PCDHGA12: variants seen among roughly 807,000 people sequenced by gnomAD.
The protein encoded by PCDHGA12 is protocadherin gamma-A12.
In PCDHGA12, 43 loss-of-function variants were observed where a neutral mutation model predicts 61.1. The ratio of observed to expected loss-of-function variants is 0.70; its 90% CI spans 0.55 to 0.91. PCDHGA12 has a LOEUF of 0.91. Among genes scored for constraint, PCDHGA12 ranks in the 40% least tolerant of loss-of-function variants. The pLI is 0.00. For synonymous variants in PCDHGA12, 520 were observed against 542.9 expected (o/e 0.96, Z 0.59); for missense variants, 1,236 against 1,227.7 (o/e 1.01, Z -0.10).
rs2099615088 is a variant in PCDHGA12, at chr5:141,485,526, G to A, written c.2425-9281G>A. On this transcript the variant is annotated intron_variant, in intron 1 of 3. Coordinates refer to ENST00000252085, the MANE Select transcript of PCDHGA12 (RefSeq NM_003735.3). The surrounding 1 kb of genome is among the most constrained non-coding windows in gnomAD (Gnocchi z 5.7). Reference sequence around the variant, plus strand: ...ACCGAAGGTCCTTTGGAAATGTACCGAGCAGAGGTAGAGATCGTAGATGTG... The same window carrying A: ...ACCGAAGGTCCTTTGGAAATGTACCAAGCAGAGGTAGAGATCGTAGATGTG... 6.2e-7 allele frequency: 1 copy of A among 1,614,154 alleles called. No individual in the cohort carries two copies. The highest frequency in any genetic ancestry group is 2.2e-5 in the East Asian group (1 of 44,880).
At chr5:141,433,398 T>TCTAC (rs1487149690) in intron 1 of PCDHGA12, among the ~76,000 whole-genome samples, 2 of 151,396 alleles carry the variant, frequency 1.3e-5, no homozygotes, top group Non-Finnish European at 2.9e-5. Context: ...TATCTATCTA[T>TCTAC]CTATCTATTA....
chr5:141,440,818 C>T (rs906112291), intron 1 of PCDHGA12: 2 of 152,124 alleles, frequency 1.3e-5, no homozygotes, highest in Non-Finnish European at 2.9e-5. Flanking sequence ...TCACTCAACT[C>T]CTGATCCTAT....
chr5:141,432,481 C>G lies in PCDHGA12; in HGVS notation c.1722C>G (p.Gly574=). 6.2e-7 allele frequency: 1 copy of G among 1,614,198 alleles called. No homozygotes were observed. Residue 574 remains glycine (G), a synonymous_variant, in exon 1 of 4, where the codon GGC becomes GGG. Coordinates refer to ENST00000252085, the MANE Select transcript of PCDHGA12 (RefSeq NM_003735.3). This position sits in a 1 kb window ranked among gnomAD's most constrained non-coding sequence, Gnocchi z 6.0. ...CCCTCCCCACGGACGGTTCCACTGG[C>G]GTGGAGCTGGCTCCCCGCTCCGCAG... ...YPALPTDGST[G]VELAPRSAEP...
At position 141,491,884 on chromosome 5, in the gene PCDHGA12, G is replaced by A. The variant is rs745931108; in HGVS notation, c.2425-2923G>A. The A allele has an allele frequency of 2.8e-6, 4 of 1,446,372 alleles. No homozygotes were observed. The highest frequency in any genetic ancestry group is 2.9e-5 in the Admixed American group (1 of 34,718). 89.6% of individuals were successfully genotyped at this position (1,446,372 alleles called of 1,614,324 possible). ...AACCAGAGTGGCCGATTAAGGGATG[G>A]GGCTCCGAGCACCGGGGGTGGTGGC... On this transcript the variant is annotated intron_variant, in intron 1 of 3. Coordinates refer to ENST00000252085, the MANE Select transcript of PCDHGA12 (RefSeq NM_003735.3). This position sits in a 1 kb window ranked among gnomAD's most constrained non-coding sequence, Gnocchi z 6.9.
chr5:141,441,672 GCCTTCGA>G (rs1327551430), intron 1 of PCDHGA12: 1 of 290,468 alleles, frequency 3.4e-6, no homozygotes, highest in Non-Finnish European at 6.8e-6. Flanking sequence ...CGCACAGTGC[GCCTTCGA>G]CCAAGAGCAG....
In PCDHGA12 at chr5:141,431,317, C is replaced by G; in HGVS notation, c.558C>G (p.Ala186=). 2 of 1,614,082 alleles carry G rather than the reference C, an allele frequency of 1.2e-6. No homozygotes were observed. The highest frequency in any genetic ancestry group is 1.7e-6 in the Non-Finnish European group (2 of 1,180,038). Residue 186 remains alanine (A), a synonymous_variant, in exon 1 of 4, where the codon GCC becomes GCG. Transcript: ENST00000252085. The surrounding 1 kb of genome is among the most constrained non-coding windows in gnomAD (Gnocchi z 4.8). ...THFSLIVQNG[A]DGSKYPELVL... is the part of the protein sequence containing the mutation. ...TCTCCCTCATCGTGCAAAATGGAGC[C>G]GACGGTAGTAAGTACCCCGAATTGG...
In PCDHGA12 at chr5:141,494,027, G is replaced by A. The variant is rs77020157; in HGVS notation, c.2425-780G>A. 1.5e-4 allele frequency among the ~76,000 whole-genome samples: 23 copies of A among 152,298 alleles called. No homozygotes were observed. In the East Asian group the frequency reaches 3.3e-3, roughly 22 times the overall value. ...ACACATCAGCCCCTTGGGAGCCCTGGAGACTTAGTTGGCCCTGCTTGGAGG... is the reference window on the plus strand; with the variant it reads ...ACACATCAGCCCCTTGGGAGCCCTGAAGACTTAGTTGGCCCTGCTTGGAGG... On this transcript the variant is annotated intron_variant, in intron 1 of 3. Coordinates refer to ENST00000252085, the MANE Select transcript of PCDHGA12 (RefSeq NM_003735.3).
rs1412764202 is a variant in PCDHGA12, at chr5:141,486,708, C to T, written c.2425-8099C>T. The T allele has an allele frequency of 1.2e-6, 2 of 1,614,062 alleles. No individual in the cohort carries two copies. Among genetic ancestry groups the T allele is most frequent in the Non-Finnish European group, 1.7e-6 (2 of 1,180,054 alleles). ...GCTTCCTCTTTCATCTCTCTGAACC[C>T]CCAGACAGGAGCTGTTCATGCTACT... On this transcript the variant is annotated intron_variant, in intron 1 of 3. Coordinates refer to ENST00000252085, the MANE Select transcript of PCDHGA12 (RefSeq NM_003735.3). This position sits in a 1 kb window ranked among gnomAD's most constrained non-coding sequence, Gnocchi z 5.0.
chr5:141,431,146 T>G lies in PCDHGA12; in HGVS notation c.387T>G (p.Asn129Lys). The change falls in exon 1 of 4, where the codon AAT (asparagine) becomes AAG (lysine). Residue 129 changes from asparagine to lysine, a missense_variant. By Grantham distance (94) the Asn-to-Lys change is moderately conservative. Coordinates refer to ENST00000252085, the MANE Select transcript of PCDHGA12 (RefSeq NM_003735.3). The surrounding 1 kb of genome is among the most constrained non-coding windows in gnomAD (Gnocchi z 4.8). ...VEVEVRDIND[N>K]APYFRESELE... The stretch of plus-strand genomic sequence containing the variant: ...TAGAAGTAAGGGACATTAACGACAA[T>G]GCGCCTTACTTTCGTGAAAGTGAAT... 6.2e-7 allele frequency: 1 copy of G among 1,614,124 alleles called. No individual in the cohort carries two copies. Among genetic ancestry groups the G allele is most frequent in the African/African-American group, 1.3e-5 (1 of 75,022 alleles).
intron 1 of PCDHGA12, among the ~76,000 whole-genome samples, chr5:141,463,438 CTTTTT>C (rs71576115): frequency 7.7e-5 from 8 of 103,256 alleles, no homozygotes; most frequent in African/African-American, 2.7e-4. Flanking sequence ...TTTCCTTCTC[CTTTTT>C]TTTTTTTTTT....
rs1177043977 is a variant in PCDHGA12, at chr5:141,491,919, C to G, written c.2425-2888C>G. On this transcript the variant is annotated intron_variant, in intron 1 of 3. Coordinates refer to ENST00000252085, the MANE Select transcript of PCDHGA12 (RefSeq NM_003735.3). The surrounding 1 kb of genome is among the most constrained non-coding windows in gnomAD (Gnocchi z 6.9). ...CACCGGGGGTGGTGGCGACTGTGGG[C>G]GAGGGGAGGTGGGACCGACCCCCAC... 5 of 1,361,900 alleles carry G rather than the reference C, an allele frequency of 3.7e-6. No homozygotes were observed. The South Asian group carries it at 7.8e-5, about 21-fold the overall frequency. The allele number at this position is 1,361,900 out of a possible 1,614,324, so 84.4% of individuals were successfully genotyped here. A position where few individuals can be genotyped will look rare whatever the true frequency, so the allele number is the denominator to read the frequency against.
chr5:141,434,802 G>A (rs1009500775), intron 1 of PCDHGA12, among the ~76,000 whole-genome samples: 10 of 151,488 alleles, frequency 6.6e-5, no homozygotes, highest in African/African-American at 2.4e-4. Flanking sequence ...TTCTGAGCTT[G>A]GAGAAATATA....
chr5:141,487,749 A>G lies in PCDHGA12; in HGVS notation c.2425-7058A>G, dbSNP rs574710316. 3.9e-5 allele frequency: 60 copies of G among 1,557,180 alleles called. No homozygotes were observed. The African/African-American group carries it at 5.6e-4, about 14-fold the overall frequency. ...GTCACCATTTTTGTAAGAGGTAACT[A>G]TGTGGTAGACGCTGTGCTTTGTAAC... is the stretch of plus-strand genomic sequence containing the variant. On this transcript the variant is annotated intron_variant, in intron 1 of 3. Coordinates refer to ENST00000252085, the MANE Select transcript of PCDHGA12 (RefSeq NM_003735.3). The surrounding 1 kb of genome is among the most constrained non-coding windows in gnomAD (Gnocchi z 5.0).
chr5:141,501,902 C>G (rs2154593013), intron 2 of PCDHGA12, among the ~76,000 whole-genome samples: 1 of 152,202 alleles, frequency 6.6e-6, no homozygotes, highest in East Asian at 1.9e-4. Flanking sequence ...GGTTCCAACC[C>G]CACTGTTCCA....
At position 141,505,200 on chromosome 5, in the gene PCDHGA12, G is replaced by T. The variant is rs528060752; in HGVS notation, c.2484-193G>T. On this transcript the variant is annotated intron_variant, in intron 2 of 3. Transcript: ENST00000252085. ...AAAGCATCGGAGGCAGCAAAGAGCTGGTTTGAGGGACTGACTTGTGGGATT... is the reference window on the plus strand; with the variant it reads ...AAAGCATCGGAGGCAGCAAAGAGCTTGTTTGAGGGACTGACTTGTGGGATT... Among the ~76,000 whole-genome samples the T allele has an allele frequency of 6.6e-5, 10 of 152,244 alleles. No individual in the cohort carries two copies. The East Asian group carries it at 7.7e-4, about 12-fold the overall frequency.
rs371130763 is a variant in PCDHGA12 at position 141,432,970 on chromosome 5, G to A, written c.2211G>A (p.Ala737=). The A allele has an allele frequency of 5.0e-6, 8 of 1,613,996 alleles. No homozygotes were observed. Among genetic ancestry groups the A allele is most frequent in the East Asian group, 4.5e-5 (2 of 44,868 alleles). ...GAGGCGGCTTGACAGGAGCGCCGGC[G>A]TCGCACTTTGTGGGCGTGGACGGGG... ...ASGGGLTGAP[A]SHFVGVDGVQ... The change falls in exon 1 of 4, where the codon GCG becomes GCA. Residue 737 remains alanine, a synonymous_variant. Transcript: ENST00000252085. The surrounding 1 kb of genome is among the most constrained non-coding windows in gnomAD (Gnocchi z 6.0).
At chr5:141,453,288 A>T (rs931678565) in intron 1 of PCDHGA12, among the ~76,000 whole-genome samples, 18 of 151,342 alleles carry the variant, frequency 1.2e-4, no homozygotes, top group Admixed American at 3.3e-4. Context: ...TAATTTTTTA[A>T]TTATTTATTT....
intron 1 of PCDHGA12, chr5:141,478,429 G>C: frequency 6.2e-7 from 1 of 1,613,674 alleles, no homozygotes; most frequent in Non-Finnish European, 8.5e-7. Flanking sequence ...GCAGCGACCC[G>C]CTGCTGAAGA....
In PCDHGA12 at chr5:141,431,357, C is replaced by G. The variant is rs762220618; in HGVS notation, c.598C>G (p.Leu200Val). 1.9e-5 allele frequency: 31 copies of G among 1,613,926 alleles called. No homozygotes were observed. Among genetic ancestry groups the G allele is most frequent in the Non-Finnish European group, 2.2e-5 (26 of 1,180,046 alleles). The change falls in exon 1 of 4, where the codon CTG (leucine) becomes GTG (valine). Residue 200 changes from leucine to valine, a missense_variant. By Grantham distance (32) the Leu-to-Val change is conservative (BLOSUM62 1). Coordinates refer to ENST00000252085, the MANE Select transcript of PCDHGA12 (RefSeq NM_003735.3). The surrounding 1 kb of genome is among the most constrained non-coding windows in gnomAD (Gnocchi z 4.8). ...KYPELVLKRA[L>V]DREEKAAHHL... is the part of the protein sequence containing the mutation. ...CCCCGAATTGGTGCTGAAACGCGCC[C>G]TGGACCGCGAAGAAAAGGCTGCTCA...
Sources: gnomAD v4.1 joint callset for allele counts (sites outside exome capture counted in the v4.1 genomes callset) on GRCh38, gnomAD v4.1.1 for gene constraint, Gnocchi (gnomAD v3.1) non-coding constraint, MANE v1.5 for transcripts, NCBI Gene and HGNC (gene_info 2026-07-23, HGNC 2026-07-21) for gene names.